Variants in HERC2 observed in about 807,000 individuals in gnomAD.
The protein encoded by HERC2 is E3 ubiquitin-protein ligase HERC2.
A neutral mutation model predicts 537.7 loss-of-function variants in HERC2; 102 were observed. The observed-to-expected ratio is 0.19, with a 90% CI of 0.16 to 0.22. The LOEUF is 0.22. Ranked by LOEUF, HERC2 falls within the 10% of genes least tolerant of loss-of-function variation. The pLI, the probability that HERC2 is intolerant of heterozygous loss-of-function variation, is 1.00. For missense variants in HERC2, 4,236 were observed against 6,198.2 expected (o/e 0.68, Z 10.63); for synonymous variants, 2,224 against 2,466.2 (o/e 0.90, Z 2.91).
At chr15:28,151,557 C>T (rs1450024314) in intron 70 of HERC2, among the ~76,000 whole-genome samples, 2 of 151,974 alleles carry the variant, frequency 1.3e-5, no homozygotes, top group African/African-American at 4.8e-5. Context: ...GAATCCAGGG[C>T]AGACCCCAGG....
At chr15:28,266,429 C>A (rs540334340) in intron 12 of HERC2, among the ~76,000 whole-genome samples, 32 of 152,152 alleles carry the variant, frequency 2.1e-4, no homozygotes, top group Admixed American at 2.0e-3. Flanking sequence ...GCAGGAGAAT[C>A]GCTTGAACCT....
Position 28,111,600 on chromosome 15 carries a change from C to T in HERC2, c.*163G>A. ...CCACGCGCACAGGCGGACCTTCTCA[C>T]TGTCATTCCCATCACGGCCAGTCAG... On this transcript the variant is annotated 3_prime_UTR_variant, in exon 93 of 93. Coordinates refer to ENST00000261609, the MANE Select transcript of HERC2 (RefSeq NM_004667.6). 1 of 702,638 alleles carries T rather than the reference C, an allele frequency of 1.4e-6. No individual in the cohort carries two copies. Among genetic ancestry groups the T allele is most frequent in the Non-Finnish European group, 2.3e-6 (1 of 426,102 alleles). The allele number at this position is 702,638 out of a possible 1,614,324, so 43.5% of individuals were successfully genotyped here.
chr15:28,214,570 A>G, intron 40 of HERC2, 85 bp downstream of exon 40: 2 of 1,499,328 alleles, frequency 1.3e-6, no homozygotes, highest in Non-Finnish European at 1.9e-6. Flanking sequence ...TCACCAGGGC[A>G]CAGGGAAGGG....
chr15:28,317,181 C>T (rs1262069783), intron 2 of HERC2, among the ~76,000 whole-genome samples: 1 of 152,234 alleles, frequency 6.6e-6, no homozygotes, highest in African/African-American at 2.4e-5. Context: ...ACCTCCACCT[C>T]CTGGGTTCAA....
chr15:28,262,659 C>T (rs1212304370), intron 15 of HERC2, among the ~76,000 whole-genome samples: 1 of 142,672 alleles, frequency 7.0e-6, no homozygotes. Flanking sequence ...TGGGTGCCTG[C>T]CACAGAAAGT....
At chr15:28,311,293 G>A (rs1256122795) in intron 2 of HERC2, among the ~76,000 whole-genome samples, 5 of 151,668 alleles carry the variant, frequency 3.3e-5, no homozygotes, top group East Asian at 3.9e-4. Context: ...GGTGAAACTC[G>A]GTCTCTACAA....
chr15:28,251,313 T>C (rs1380947065), intron 20 of HERC2, among the ~76,000 whole-genome samples: 1 of 151,644 alleles, frequency 6.6e-6, no homozygotes, highest in Admixed American at 6.6e-5. Flanking sequence ...TATGGTGGCA[T>C]GCACCTGTAG....
chr15:28,316,479 A>G (rs2077089458), intron 2 of HERC2, among the ~76,000 whole-genome samples: 2 of 151,948 alleles, frequency 1.3e-5, no homozygotes, highest in Non-Finnish European at 2.9e-5. Context: ...GCCTCTACAA[A>G]AAAAAATTTT....
In HERC2 at chr15:28,280,269, T is replaced by TC; in HGVS notation, c.340dup (p.Glu114GlyfsTer8). 6.2e-7 allele frequency: 1 copy of TC among 1,611,064 alleles called. No homozygotes were observed. Among genetic ancestry groups the TC allele is most frequent in the Non-Finnish European group, 8.5e-7 (1 of 1,179,054 alleles). ...CTCTTTAACCAGCACAGAAAGACAC[T>TC]CCTTCAGTTCATTCACATCTAGAAA... On this transcript the variant is annotated frameshift_variant, in exon 5 of 93. Transcript: ENST00000261609. LOFTEE classifies it high-confidence loss of function.
In HERC2 at chr15:28,229,188, G is replaced by A; in HGVS notation, c.5272+7C>T. 1 of 1,608,332 alleles carries A rather than the reference G, an allele frequency of 6.2e-7. No homozygotes were observed. The highest frequency in any genetic ancestry group is 8.5e-7 in the Non-Finnish European group (1 of 1,176,258). On this transcript the variant is annotated splice_region_variant and intron_variant, in intron 34 of 92. Coordinates refer to ENST00000261609, the MANE Select transcript of HERC2 (RefSeq NM_004667.6). ...ATAAAATAACATTGATACAATTATT[G>A]ACTCACCAAGCTCTTTAAATTTGGC...
Position 28,274,307 on chromosome 15 carries a change from T to G in HERC2, c.784A>C (p.Arg262=). ...EVVERATRFL[R]SVVTGDVHGT... The stretch of plus-strand genomic sequence containing the variant: ...AGAACTCACCCCGTCACGACGGACC[T>G]GAGGAACCTGGTCGCTCTCTCCACC... Residue 262 remains arginine, a synonymous_variant, in exon 7 of 93, where the codon AGG becomes CGG. Coordinates refer to ENST00000261609, the MANE Select transcript of HERC2 (RefSeq NM_004667.6). 1 of 1,614,212 alleles carries G rather than the reference T, an allele frequency of 6.2e-7. No individual in the cohort carries two copies.
At chr15:28,253,897 G>A (rs2075167345) in intron 20 of HERC2, among the ~76,000 whole-genome samples, 1 of 152,166 alleles carries the variant, frequency 6.6e-6, no homozygotes, top group Admixed American at 6.5e-5. Flanking sequence ...AGGAGGCAGA[G>A]GTTGCAGTGA....
At chr15:28,285,049 A>C (rs1411710089) in intron 4 of HERC2, among the ~76,000 whole-genome samples, 1 of 152,130 alleles carries the variant, frequency 6.6e-6, no homozygotes, top group East Asian at 1.9e-4. Flanking sequence ...CAAACAAACA[A>C]AGAAACAATG....
At chr15:28,235,386 A>G (rs553524906) in intron 26 of HERC2, among the ~76,000 whole-genome samples, 1 of 152,072 alleles carries the variant, frequency 6.6e-6, no homozygotes, top group African/African-American at 2.4e-5. Context: ...GCCAATTTAA[A>G]CAAAGCCCAT....
chr15:28,240,296 T>C (rs1477823606), intron 23 of HERC2, among the ~76,000 whole-genome samples: 2 of 152,292 alleles, frequency 1.3e-5, no homozygotes, highest in East Asian at 1.9e-4. Context: ...CAGGCGCCTG[T>C]AGTCCCAGCT....
intron 20 of HERC2, among the ~76,000 whole-genome samples, chr15:28,251,397 C>T (rs1249901046): frequency 2.7e-5 from 4 of 148,308 alleles, no homozygotes; most frequent in Non-Finnish European, 6.0e-5. Flanking sequence ...GAGCTGAGAT[C>T]GTGCCACTGC....
chr15:28,154,419 C>A (rs1892774491), intron 69 of HERC2, among the ~76,000 whole-genome samples: 1 of 152,180 alleles, frequency 6.6e-6, no homozygotes. Context: ...CTGGCAAGGG[C>A]AGTTTGAAAA....
intron 2 of HERC2, among the ~76,000 whole-genome samples, chr15:28,304,165 CAAAAAAAAA>C (rs779514776): frequency 3.1e-5 from 2 of 63,816 alleles, no homozygotes; most frequent in African/African-American, 1.1e-4. Context: ...GACTCCATCT[CAAAAAAAAA>C]AAAAAAAAAA....
rs2076638845 is a variant in HERC2 at position 28,301,757 on chromosome 15, ATATATATATATATATATATATATG to A, written c.73-2265_73-2242del. ...TGTGTATATATATATATATATATAT[ATATATATATATATATATATATATG>A]GGTTATATATTCTATCTAACTTTTT... On this transcript the variant is annotated intron_variant, in intron 2 of 92. Transcript: ENST00000261609. 3.4e-5 allele frequency among the ~76,000 whole-genome samples: 4 copies of A among 115,976 alleles called. No homozygotes were observed. The South Asian group carries it at 1.1e-3, about 31-fold the overall frequency. The allele number at this position is 115,976 out of a possible 152,430, so 76.1% of individuals were successfully genotyped here. A position where few individuals can be genotyped will look rare whatever the true frequency, so the allele number is the denominator to read the frequency against.
Sources: allele counts gnomAD v4.1 joint callset (sites outside exome capture counted in the v4.1 genomes callset), GRCh38; gene constraint gnomAD v4.1.1; transcripts MANE v1.5; gene names NCBI Gene and HGNC (gene_info 2026-07-23, HGNC 2026-07-21).